The following RGS5 variants were observed in gnomAD, a reference collection of about 807,000 sequenced individuals.
RGS5 encodes the protein regulator of G protein signaling 5.
RGS5 carries 20 observed loss-of-function variants against 18.9 expected under a neutral mutation model. The observed-to-expected ratio is 1.06, with a 90% CI of 0.74 to 1.54. RGS5 has a LOEUF of 1.54. Ranked by LOEUF, RGS5 falls within the 40% of genes most tolerant of loss-of-function variation. RGS5 has a pLI of 0.00. For synonymous variants in RGS5, 57 were observed against 76.2 expected, an observed-to-expected ratio of 0.75 and a Z score of 1.31; for missense variants, 201 against 211.8, an observed-to-expected ratio of 0.95 and a Z score of 0.32.
upstream of RGS5, among the ~76,000 whole-genome samples, chr1:163,222,152 C>G (rs1006567386): frequency 6.6e-6 from 1 of 152,086 alleles, no homozygotes; most frequent in Non-Finnish European, 1.5e-5. Context: ...GCCGCCTGAT[C>G]AGTACCAGTT....
intron 1 of RGS5, among the ~76,000 whole-genome samples, chr1:163,171,511 G>A (rs1460846117): frequency 6.6e-6 from 1 of 152,120 alleles, no homozygotes; most frequent in Non-Finnish European, 1.5e-5. Context: ...AGTCTCTCAT[G>A]TTTAGGTTTC....
chr1:163,303,643 G>A (rs1649621442), intron 2 of RGS5, among the ~76,000 whole-genome samples: 1 of 152,162 alleles, frequency 6.6e-6, no homozygotes, highest in Non-Finnish European at 1.5e-5. Context: ...ATCAGTCCTT[G>A]TTTTTCTGGT....
chr1:163,252,928 T>G (rs535068122), intron 2 of RGS5, among the ~76,000 whole-genome samples: 3 of 152,144 alleles, frequency 2.0e-5, no homozygotes, highest in Non-Finnish European at 4.4e-5. Flanking sequence ...AAATGAAGAA[T>G]CTGTAGCACA....
At chr1:163,271,045 C>G (rs1216790479) in intron 2 of RGS5, among the ~76,000 whole-genome samples, 1 of 152,088 alleles carries the variant, frequency 6.6e-6, no homozygotes, top group Non-Finnish European at 1.5e-5. Flanking sequence ...ATTATCATTA[C>G]CATCCAGTTT....
At chr1:163,235,599 G>A (rs1464180115) in intron 2 of RGS5, among the ~76,000 whole-genome samples, 5 of 151,974 alleles carry the variant, frequency 3.3e-5, no homozygotes, top group Admixed American at 1.3e-4. Flanking sequence ...GGTCTTTCTC[G>A]CTCTGGGTCT....
Position 163,172,601 on chromosome 1 carries a change from G to A in RGS5, c.45-4233C>T, listed in dbSNP as rs1658353890. ...TTTTCCTCATATTTGCCCTGGAAAT[G>A]TAAGGGAGAAAAGATATTCAGTGCT... On this transcript the variant is annotated intron_variant, in intron 1 of 4. Transcript: ENST00000313961. 4.5e-6 allele frequency: 7 copies of A among 1,549,734 alleles called. No individual in the cohort carries two copies. The Admixed American group carries it at 1.2e-4, about 26-fold the overall frequency.
At chr1:163,285,204 T>C (rs1267853759) in intron 2 of RGS5, among the ~76,000 whole-genome samples, 1 of 152,140 alleles carries the variant, frequency 6.6e-6, no homozygotes, top group Non-Finnish European at 1.5e-5. Flanking sequence ...ACCATATCAG[T>C]AAATTATTCT....
At chr1:163,298,191 A>G (rs115852932) in intron 2 of RGS5, among the ~76,000 whole-genome samples, 1,776 of 152,300 alleles carry the variant, frequency 0.012, 14 homozygotes, top group Non-Finnish European at 0.018. Context: ...ATATATGTGC[A>G]TATCACTTCA....
chr1:163,269,056 T>C (rs970422532), intron 2 of RGS5, among the ~76,000 whole-genome samples: 13 of 152,148 alleles, frequency 8.5e-5, no homozygotes, highest in Admixed American at 7.2e-4. Flanking sequence ...CTGAAAGGAA[T>C]AAAGACCAGG....
intron 2 of RGS5, among the ~76,000 whole-genome samples, chr1:163,240,795 G>A (rs1309793689): frequency 6.6e-6 from 1 of 152,168 alleles, no homozygotes; most frequent in Non-Finnish European, 1.5e-5. Context: ...GAGGTTACAG[G>A]TGTGAGCCAC....
chr1:163,313,305 T>C (rs1286095823), intron 1 of RGS5, among the ~76,000 whole-genome samples: 2 of 152,230 alleles, frequency 1.3e-5, no homozygotes, highest in Non-Finnish European at 2.9e-5. Context: ...ATACTAACTC[T>C]AGGAGAAAAT....
intron 2 of RGS5, among the ~76,000 whole-genome samples, chr1:163,287,000 T>C (rs1439999256): frequency 2.0e-5 from 3 of 152,194 alleles, no homozygotes; most frequent in Non-Finnish European, 4.4e-5. Flanking sequence ...AAAGCTTAAA[T>C]GTAGGTACTA....
At chr1:163,203,250 C>A (rs372373654), upstream of RGS5, 1 of 155,434 alleles carries the variant, frequency 6.4e-6, no homozygotes, top group Non-Finnish European at 1.4e-5. Flanking sequence ...CACTTCAGAT[C>A]GGTCAAAGTC....
intron 4 of RGS5, among the ~76,000 whole-genome samples, chr1:163,150,893 GA>G (rs1446673787): frequency 1.3e-5 from 2 of 152,192 alleles, no homozygotes; most frequent in African/African-American, 4.8e-5. Flanking sequence ...CTGTGGTAGA[GA>G]AGGGATATTT....
At chr1:163,234,807 C>G (rs951326616) in intron 2 of RGS5, among the ~76,000 whole-genome samples, 1 of 152,190 alleles carries the variant, frequency 6.6e-6, no homozygotes, top group Non-Finnish European at 1.5e-5. Context: ...ACCTGGAGGG[C>G]TGGCTGAGCT....
At position 163,147,175 on chromosome 1, in the gene RGS5, T is replaced by G; in HGVS notation, c.*167A>C. On this transcript the variant is annotated 3_prime_UTR_variant, in exon 5 of 5. Coordinates refer to ENST00000313961, the MANE Select transcript of RGS5 (RefSeq NM_003617.4). Reference sequence around the variant, plus strand: ...AGAAGGCCTTCGGACAGTAGATAAGTATCCAAAGCAGTGTGGGCAAAAAGA... The same window carrying G: ...AGAAGGCCTTCGGACAGTAGATAAGGATCCAAAGCAGTGTGGGCAAAAAGA... The G allele has an allele frequency of 1.8e-6, 1 of 555,098 alleles. No homozygotes were observed. Among genetic ancestry groups the G allele is most frequent in the Non-Finnish European group, 2.9e-6 (1 of 340,176 alleles). The allele number at this position is 555,098 out of a possible 1,614,324, so 34.4% of individuals were successfully genotyped here. A position where few individuals can be genotyped will look rare whatever the true frequency, so the allele number is the denominator to read the frequency against.
intron 2 of RGS5, chr1:163,245,029 G>A (rs1340561467): frequency 2.0e-5 from 3 of 152,146 alleles, no homozygotes. Flanking sequence ...GGAAAGAGAA[G>A]GTCTGAGAAA....
At chr1:163,254,501 T>TG in intron 2 of RGS5, among the ~76,000 whole-genome samples, 5 of 150,962 alleles carry the variant, frequency 3.3e-5, no homozygotes, top group African/African-American at 1.2e-4. Flanking sequence ...TGGGGTTGTT[T>TG]TTTTCTTGTA....
intron 2 of RGS5, among the ~76,000 whole-genome samples, chr1:163,272,790 A>C (rs1369691642): frequency 6.6e-6 from 1 of 152,000 alleles, no homozygotes; most frequent in Non-Finnish European, 1.5e-5. Flanking sequence ...TGATCTATAT[A>C]CCTATCTTTA....
Sources: gnomAD v4.1 joint callset for allele counts (sites outside exome capture counted in the v4.1 genomes callset) on GRCh38, gnomAD v4.1.1 for gene constraint, MANE v1.5 for transcripts, NCBI Gene and HGNC (gene_info 2026-07-23, HGNC 2026-07-21) for gene names.